Variants in TNFSF8 observed in about 807,000 individuals in gnomAD.
The protein encoded by TNFSF8 is TNF superfamily member 8.
In TNFSF8, 4 loss-of-function variants were observed where a neutral mutation model predicts 22.0. The ratio of observed to expected loss-of-function variants is 0.18; its 90% CI spans 0.09 to 0.42. The LOEUF is 0.42. Among genes scored for constraint, TNFSF8 ranks in the 10% least tolerant of loss-of-function variants. The probability of loss-of-function intolerance (pLI) is 1.00; values close to 1 mark genes in which losing one functional copy is unlikely to be tolerated. For synonymous variants in TNFSF8, 106 were observed against 112.5 expected (o/e 0.94, Z 0.37); for missense variants, 233 against 281.8 (o/e 0.83, Z 1.24).
chr9:114,916,737 C>A (rs902826910), intron 2 of TNFSF8, among the ~76,000 whole-genome samples: 1 of 152,172 alleles, frequency 6.6e-6, no homozygotes, highest in Non-Finnish European at 1.5e-5. Flanking sequence ...GAAATGCAAC[C>A]GTGGTTACTT....
chr9:114,910,247 G>A (rs1352654260), intron 2 of TNFSF8, among the ~76,000 whole-genome samples: 1 of 152,164 alleles, frequency 6.6e-6, no homozygotes, highest in Non-Finnish European at 1.5e-5. Context: ...AGAAAGAGAG[G>A]TTGCTCGAGG....
intron 1 of TNFSF8, among the ~76,000 whole-genome samples, chr9:114,919,568 T>C (rs1011954564): frequency 1.9e-4 from 29 of 152,340 alleles, no homozygotes; most frequent in African/African-American, 6.5e-4. Context: ...AGGAATGAAG[T>C]ATTTTATTCA....
chr9:114,920,184 C>T (rs187912623), intron 1 of TNFSF8, among the ~76,000 whole-genome samples: 1 of 152,344 alleles, frequency 6.6e-6, no homozygotes, highest in Admixed American at 6.5e-5. Flanking sequence ...CAACTTACAA[C>T]TTACTGCCAA....
chr9:114,926,747 T>C (rs1204300364), intron 1 of TNFSF8, among the ~76,000 whole-genome samples: 1 of 152,032 alleles, frequency 6.6e-6, no homozygotes, highest in Non-Finnish European at 1.5e-5. Flanking sequence ...TACTGTGTAT[T>C]TGTAGATGCA....
At chr9:114,896,776 A>G (rs1389398083), downstream of TNFSF8, among the ~76,000 whole-genome samples, 1 of 152,240 alleles carries the variant, frequency 6.6e-6, no homozygotes, top group Non-Finnish European at 1.5e-5. Context: ...GGGGTTCAAT[A>G]AAGTAAGCAA....
At chr9:114,908,384 A>T (rs12337739) in intron 2 of TNFSF8, among the ~76,000 whole-genome samples, 86,875 of 152,132 alleles carry the variant, frequency 0.57, 26,741 homozygotes, top group African/African-American at 0.8. Context: ...TCCCACTGGC[A>T]TTGCAGGTCA....
At chr9:114,926,059 T>G (rs947999997) in intron 1 of TNFSF8, among the ~76,000 whole-genome samples, 2 of 152,246 alleles carry the variant, frequency 1.3e-5, no homozygotes, top group African/African-American at 4.8e-5. Context: ...TGTAGTCTGT[T>G]GCAGGCTGCC....
rs1004282953 is a variant in TNFSF8, at chr9:114,907,192, G to A, written c.239-1293C>T. On this transcript the variant is annotated intron_variant, in intron 2 of 3. Transcript: ENST00000223795. ...TCTGCTGTCTGAACAAGCTCACTGC[G>A]AGAGGCACTCCGGGCAGAAGCAGGG... Among the ~76,000 whole-genome samples the A allele has an allele frequency of 3.3e-5, 5 of 152,252 alleles. No homozygotes were observed. In the South Asian group the frequency reaches 8.3e-4, roughly 25 times the overall value.
At chr9:114,924,870 T>G (rs1828036553) in intron 1 of TNFSF8, among the ~76,000 whole-genome samples, 1 of 152,174 alleles carries the variant, frequency 6.6e-6, no homozygotes. Context: ...CCCCTTCCAC[T>G]GGGGACCTCC....
intron 1 of TNFSF8, among the ~76,000 whole-genome samples, chr9:114,923,608 C>T (rs539019361): frequency 1.3e-5 from 2 of 150,298 alleles, no homozygotes; most frequent in East Asian, 3.9e-4. Context: ...ACCTTGGCCT[C>T]CTGGGTTCAA....
intron 3 of TNFSF8, among the ~76,000 whole-genome samples, chr9:114,905,511 G>C (rs937230273): frequency 2.7e-5 from 4 of 150,056 alleles, no homozygotes; most frequent in Non-Finnish European, 5.9e-5. Flanking sequence ...GCTGAATAAG[G>C]AGGGGTGAGG....
chr9:114,906,952 A>G (rs1004002526), intron 2 of TNFSF8, among the ~76,000 whole-genome samples: 61 of 152,284 alleles, frequency 4.0e-4, no homozygotes, highest in African/African-American at 1.4e-3. Context: ...AGAGATGACC[A>G]TGTAGTCCAT....
chr9:114,908,545 G>T (rs1037135927), intron 2 of TNFSF8, among the ~76,000 whole-genome samples: 2 of 152,146 alleles, frequency 1.3e-5, no homozygotes, highest in African/African-American at 4.8e-5. Flanking sequence ...GGTGGCTGGA[G>T]AAGTGCAAGC....
chr9:114,903,963 A>G lies in TNFSF8; in HGVS notation c.673T>C (p.Leu225=), dbSNP rs1205749801. 6.2e-7 allele frequency: 1 copy of G among 1,613,656 alleles called. No homozygotes were observed. Residue 225 remains leucine (L), a synonymous_variant, in exon 4 of 4, where the codon TTG becomes CTG. Coordinates refer to ENST00000223795, the MANE Select transcript of TNFSF8 (RefSeq NM_001244.4). Reference sequence around the variant, plus strand: ...GAATTACTGTATAAGAAGATGGACAACACATTCTCAAGAGGAAAGGTGCTT... The same window carrying G: ...GAATTACTGTATAAGAAGATGGACAGCACATTCTCAAGAGGAAAGGTGCTT... ...DTSTFPLENV[L]SIFLYSNSD
At chr9:114,918,029 G>A in intron 2 of TNFSF8, 67 bp downstream of exon 2, 1 of 1,488,900 alleles carries the variant, frequency 6.7e-7, no homozygotes, top group Non-Finnish European at 9.1e-7. Context: ...TGATAATCAG[G>A]TTTCACACTT....
chr9:114,922,645 A>G (rs979959533), intron 1 of TNFSF8, among the ~76,000 whole-genome samples: 2 of 152,218 alleles, frequency 1.3e-5, no homozygotes, highest in African/African-American at 2.4e-5. Context: ...TTGCCTCTCT[A>G]GATGAGGGCA....
chr9:114,900,797 C>CA (rs1481565552), downstream of TNFSF8, among the ~76,000 whole-genome samples: 3 of 152,168 alleles, frequency 2.0e-5, no homozygotes, highest in Admixed American at 6.5e-5. Context: ...GCCTGGCCAA[C>CA]ATGGTGAAAT....
intron 1 of TNFSF8, among the ~76,000 whole-genome samples, chr9:114,923,487 T>C (rs1424020469): frequency 1.5e-5 from 1 of 68,596 alleles, no homozygotes; most frequent in African/African-American, 1.1e-4. Context: ...TTTTTCTTTC[T>C]TTCTTTCTTT....
intron 2 of TNFSF8, among the ~76,000 whole-genome samples, chr9:114,912,475 C>T (rs375739895): frequency 1.3e-3 from 200 of 152,334 alleles, no homozygotes; most frequent in African/African-American, 4.7e-3. Flanking sequence ...CTGCAATCTC[C>T]GCCTCTGGGG....
Sources: gnomAD v4.1 joint callset for allele counts (sites outside exome capture counted in the v4.1 genomes callset) on GRCh38, gnomAD v4.1.1 for gene constraint, MANE v1.5 for transcripts, NCBI Gene and HGNC (gene_info 2026-07-23, HGNC 2026-07-21) for gene names.